Variants in ZDHHC7 observed in about 807,000 individuals in gnomAD.
ZDHHC7 encodes zDHHC palmitoyltransferase 7.
ZDHHC7 carries 12 observed loss-of-function variants against 34.1 expected under a neutral mutation model. That is an observed-to-expected ratio of 0.35 (90% CI 0.23 to 0.57). The LOEUF is 0.57. Ranked by LOEUF, ZDHHC7 falls within the 20% of genes least tolerant of loss-of-function variation. The probability of loss-of-function intolerance (pLI) is 0.84; values close to 1 mark genes in which losing one functional copy is unlikely to be tolerated. For missense variants in ZDHHC7, 388 were observed against 402.7 expected, an observed-to-expected ratio of 0.96 and a Z score of 0.31; for synonymous variants, 185 against 155.4, an observed-to-expected ratio of 1.19 and a Z score of -1.42.
At chr16:84,984,022 T>A (rs983683875) in intron 3 of ZDHHC7, among the ~76,000 whole-genome samples, 1 of 151,556 alleles carries the variant, frequency 6.6e-6, no homozygotes, top group African/African-American at 2.4e-5. Context: ...GTCTTTTTTT[T>A]TTTTTTCTTT....
intron 3 of ZDHHC7, chr16:84,988,824 A>C (rs1158257673): frequency 1.3e-6 from 2 of 1,551,824 alleles, no homozygotes; most frequent in African/African-American, 2.7e-5. Flanking sequence ...GGTTGGGTCC[A>C]GCCCAGTTTT....
chr16:85,021,697 A>T, the ZDHHC7 span, among the ~76,000 whole-genome samples: 1 of 149,438 alleles, frequency 6.7e-6, no homozygotes, highest in Non-Finnish European at 1.5e-5. Context: ...CAGCCTGGGC[A>T]ACAGAGCAAG....
intron 3 of ZDHHC7, chr16:84,988,959 TTGGG>T: frequency 7.3e-7 from 1 of 1,364,074 alleles, no homozygotes; most frequent in Non-Finnish European, 1.0e-6. Context: ...CCTGGGCACT[TTGGG>T]CAACAAACAA....
chr16:84,980,260 C>A (rs531013865), intron 4 of ZDHHC7, among the ~76,000 whole-genome samples: 1 of 151,298 alleles, frequency 6.6e-6, no homozygotes, highest in Admixed American at 6.6e-5. Context: ...CCACCGCACC[C>A]GCCCATAGCG....
At position 84,977,946 on chromosome 16, in the gene ZDHHC7, G is replaced by A; in HGVS notation, c.597C>T (p.Ser199=). 2 of 1,614,048 alleles carry A rather than the reference G, an allele frequency of 1.2e-6. No individual in the cohort carries two copies. Among genetic ancestry groups the A allele is most frequent in the Non-Finnish European group, 8.5e-7 (1 of 1,179,928 alleles). ...TACCAGTCCACTGCCCTCGGACACAGGAGATGAACTGAAATCCACAAAGGA... is the reference window on the plus strand; with the variant it reads ...TACCAGTCCACTGCCCTCGGACACAAGAGATGAACTGAAATCCACAAAGGA... ...ALILCGFQFI[S]CVRGQWTECS... is the part of the protein sequence containing the mutation. The change falls in exon 6 of 8, where the codon TCC becomes TCT. Residue 199 remains serine (S), a synonymous_variant. Coordinates refer to ENST00000313732, the MANE Select transcript of ZDHHC7 (RefSeq NM_017740.3).
chr16:84,990,801 G>A (rs1446681063), intron 2 of ZDHHC7, among the ~76,000 whole-genome samples, 166 bp from the exon 3 acceptor site: 2 of 152,176 alleles, frequency 1.3e-5, no homozygotes, highest in African/African-American at 4.8e-5. Flanking sequence ...TTAAATCTCT[G>A]ACTTGATTGA....
the ZDHHC7 span, among the ~76,000 whole-genome samples, chr16:85,018,658 G>A: frequency 6.6e-6 from 1 of 151,984 alleles, no homozygotes; most frequent in Non-Finnish European, 1.5e-5. Context: ...TGTTGGTCAG[G>A]CTGGTCTCAA....
rs75146342 is a variant in ZDHHC7, at chr16:84,986,282, T to C, written c.315+4022A>G. Among the ~76,000 whole-genome samples the C allele has an allele frequency of 4.5e-3, 685 of 152,328 alleles. 5 individuals are homozygous for C. Among genetic ancestry groups the C allele is most frequent in the African/African-American group, 0.016 (661 of 41,576 alleles). ...ATTTTCGAGGCCGGGGCTCTGAAGA[T>C]AGACAATCTGGTTCAAATCCCAGCC... On this transcript the variant is annotated intron_variant, in intron 3 of 7. Transcript: ENST00000313732.
At chr16:85,011,831 G>C (rs945983982), upstream of ZDHHC7, among the ~76,000 whole-genome samples, 1 of 152,236 alleles carries the variant, frequency 6.6e-6, no homozygotes, top group African/African-American at 2.4e-5. Context: ...GCCCGCGGCG[G>C]TGTCTCAGAG....
At chr16:84,981,532 G>T (rs1046128503) in intron 4 of ZDHHC7, among the ~76,000 whole-genome samples, 5 of 152,212 alleles carry the variant, frequency 3.3e-5, no homozygotes, top group African/African-American at 1.2e-4. Flanking sequence ...CCCAGGAGCT[G>T]TGAGCACACA....
Position 84,977,920 on chromosome 16 carries a change from T to G in ZDHHC7, c.619+4A>C. On this transcript the variant is annotated splice_donor_region_variant and intron_variant, in intron 6 of 7. Coordinates refer to ENST00000313732, the MANE Select transcript of ZDHHC7 (RefSeq NM_017740.3). Reference sequence around the variant, plus strand: ...CAGGAATGACACATAGCCAGGGAACTTACCAGTCCACTGCCCTCGGACACA... The same window carrying G: ...CAGGAATGACACATAGCCAGGGAACGTACCAGTCCACTGCCCTCGGACACA... 1.9e-6 allele frequency: 3 copies of G among 1,612,546 alleles called. No homozygotes were observed. The highest frequency in any genetic ancestry group is 2.5e-6 in the Non-Finnish European group (3 of 1,178,852).
In ZDHHC7 at chr16:84,977,913, A is replaced by G; in HGVS notation, c.619+11T>C. ...GCAAAGCCAGGAATGACACATAGCC[A>G]GGGAACTTACCAGTCCACTGCCCTC... On this transcript the variant is annotated intron_variant, in intron 6 of 7. Transcript: ENST00000313732. The G allele has an allele frequency of 6.2e-7, 1 of 1,609,874 alleles. No homozygotes were observed. Among genetic ancestry groups the G allele is most frequent in the Non-Finnish European group, 8.5e-7 (1 of 1,176,694 alleles).
intron 4 of ZDHHC7, among the ~76,000 whole-genome samples, chr16:84,980,345 T>A (rs1173117682): frequency 6.6e-6 from 1 of 152,044 alleles, no homozygotes; most frequent in Non-Finnish European, 1.5e-5. Context: ...ACATTCCCAT[T>A]TTATCTTCAA....
intron 1 of ZDHHC7, among the ~76,000 whole-genome samples, chr16:84,996,341 G>C (rs974599311): frequency 1.3e-5 from 2 of 152,104 alleles, no homozygotes; most frequent in Non-Finnish European, 2.9e-5. Context: ...TTCTACCGTC[G>C]ATAAGCTGAT....
chr16:84,982,100 G>A (rs916980872), intron 3 of ZDHHC7, 106 bp from the exon 4 acceptor site: 32 of 1,471,866 alleles, frequency 2.2e-5, no homozygotes, highest in African/African-American at 5.6e-5. Context: ...GGGAGGCTGA[G>A]GCGGGTGGAT....
chr16:85,025,665 C>T, the ZDHHC7 span, among the ~76,000 whole-genome samples: 32,754 of 152,134 alleles, frequency 0.22, 3,674 homozygotes, highest in Middle Eastern at 0.27. Context: ...GCCTCGACCT[C>T]CCAAAGTGCT....
the ZDHHC7 span, among the ~76,000 whole-genome samples, chr16:85,025,080 C>T: frequency 1.3e-5 from 2 of 152,064 alleles, no homozygotes; most frequent in African/African-American, 4.8e-5. Context: ...AGTTCGAGAC[C>T]AGCCTGGCCA....
Position 84,990,264 on chromosome 16 carries a change from A to G in ZDHHC7, c.315+40T>C, listed in dbSNP as rs753770997. On this transcript the variant is annotated intron_variant, in intron 3 of 7. Coordinates refer to ENST00000313732, the MANE Select transcript of ZDHHC7 (RefSeq NM_017740.3). ...CAGCCACACCCGAGGACACTAGACC[A>G]GACACAAGAGAGCCACCCAGAGACG... The G allele has an allele frequency of 2.5e-6, 4 of 1,599,090 alleles. 1 individual carries two copies. In the South Asian group the frequency reaches 4.5e-5, roughly 18 times the overall value.
At chr16:85,026,774 G>A in the ZDHHC7 span, among the ~76,000 whole-genome samples, 1 of 151,848 alleles carries the variant, frequency 6.6e-6, no homozygotes, top group Non-Finnish European at 1.5e-5. Flanking sequence ...CATTTCTTTA[G>A]AGACAGAGCT....
Sources: allele counts gnomAD v4.1 joint callset (sites outside exome capture counted in the v4.1 genomes callset), GRCh38; gene constraint gnomAD v4.1.1; transcripts MANE v1.5; gene names NCBI Gene and HGNC (gene_info 2026-07-23, HGNC 2026-07-21).